Variants in PRKG1 observed in about 807,000 individuals in gnomAD.
PRKG1 encodes cGMP-dependent protein kinase 1.
A neutral mutation model predicts 88.1 loss-of-function variants in PRKG1; 35 were observed. The ratio of observed to expected loss-of-function variants is 0.40; its 90% confidence interval spans 0.30 to 0.53. The LOEUF (loss-of-function observed/expected upper bound fraction) is 0.53. Ranked by LOEUF, PRKG1 falls within the 20% of genes least tolerant of loss-of-function variation. PRKG1 has a pLI of 0.59. For synonymous variants in PRKG1, 303 were observed against 292.5 expected, an observed-to-expected ratio of 1.04 and a Z score of -0.37; for missense variants, 540 against 839.8, an observed-to-expected ratio of 0.64 and a Z score of 4.41.
chr10:51,453,950 C>T (rs1015981143), intron 2 of PRKG1, among the ~76,000 whole-genome samples: 3 of 152,022 alleles, frequency 2.0e-5, no homozygotes, highest in Admixed American at 1.3e-4. Context: ...TATACACCAA[C>T]AGTGACCAAG....
intron 1 of PRKG1, among the ~76,000 whole-genome samples, chr10:51,107,072 G>A (rs1338089099): frequency 6.6e-6 from 1 of 152,180 alleles, no homozygotes; most frequent in Non-Finnish European, 1.5e-5. Context: ...TGGAGAGTCT[G>A]GGAAGGACTT....
intron 10 of PRKG1, among the ~76,000 whole-genome samples, chr10:52,270,112 A>T (rs1360953044): frequency 6.6e-6 from 1 of 152,104 alleles, no homozygotes; most frequent in Non-Finnish European, 1.5e-5. Context: ...AAAATTCTGC[A>T]AGGTTAAAAA....
intron 8 of PRKG1, among the ~76,000 whole-genome samples, chr10:52,150,291 G>A (rs192844847): frequency 2.0e-5 from 3 of 151,936 alleles, no homozygotes; most frequent in African/African-American, 4.8e-5. Context: ...CCATATTGGG[G>A]AGATAAATAT....
In PRKG1 at chr10:52,143,779, C is replaced by G. The variant is rs73344912; in HGVS notation, c.1001+9874C>G. ...ACCTTCTGCCAACAAAGTTTCAGTG[C>G]CAGTCAACCCGATCCACTTTTACAG... On this transcript the variant is annotated intron_variant, in intron 8 of 17. Transcript: ENST00000373980. 9.5e-3 allele frequency among the ~76,000 whole-genome samples: 1,447 copies of G among 152,200 alleles called. 29 individuals carry two copies. The highest frequency in any genetic ancestry group is 0.033 in the African/African-American group (1,383 of 41,512).
chr10:51,523,529 T>C (rs1841791823), intron 3 of PRKG1, among the ~76,000 whole-genome samples: 1 of 152,194 alleles, frequency 6.6e-6, no homozygotes, highest in South Asian at 2.1e-4. Context: ...TAATATTTTT[T>C]ACTGTTTCTC....
chr10:51,165,196 A>G (rs1379964133), intron 2 of PRKG1, among the ~76,000 whole-genome samples: 1 of 152,098 alleles, frequency 6.6e-6, no homozygotes, highest in African/African-American at 2.4e-5. Context: ...TAACAGCAGA[A>G]CTCTCAGCAG....
intron 2 of PRKG1, among the ~76,000 whole-genome samples, chr10:51,404,363 C>G (rs976420848): frequency 1.3e-5 from 2 of 152,144 alleles, no homozygotes; most frequent in African/African-American, 4.8e-5. Flanking sequence ...GAAACAATAA[C>G]TGGGACATGA....
intron 2 of PRKG1, among the ~76,000 whole-genome samples, chr10:51,359,835 T>G (rs1357193086): frequency 1.3e-5 from 2 of 151,932 alleles, no homozygotes; most frequent in African/African-American, 4.8e-5. Context: ...ATGATCAAAA[T>G]AATTTATAGA....
In PRKG1 at chr10:51,303,335, A is replaced by G. The variant is rs138953902; in HGVS notation, c.478+150005A>G. On this transcript the variant is annotated intron_variant, in intron 2 of 17. Coordinates refer to ENST00000373980, the MANE Select transcript of PRKG1 (RefSeq NM_006258.4). ...GCACTACCACTTTATTTAAATCTCA[A>G]GATTTTCTAAGAGTTAAATGTTCAC... Among the ~76,000 whole-genome samples the G allele has an allele frequency of 5.7e-4, 87 of 151,826 alleles. 1 individual carries two copies. Among genetic ancestry groups the G allele is most frequent in the Non-Finnish European group, 7.7e-4 (52 of 67,970 alleles).
intron 1 of PRKG1, among the ~76,000 whole-genome samples, chr10:51,118,732 CCTACTGTTGTT>C (rs1430498533): frequency 6.6e-6 from 1 of 152,102 alleles, no homozygotes; most frequent in Non-Finnish European, 1.5e-5. Context: ...CCCTCTGCAA[CCTACTGTTGTT>C]CTATTCGTCT....
At chr10:51,349,507 TC>T (rs1293820547) in intron 2 of PRKG1, among the ~76,000 whole-genome samples, 2 of 149,570 alleles carry the variant, frequency 1.3e-5, no homozygotes, top group Non-Finnish European at 1.5e-5. Flanking sequence ...TGTGTATGTG[TC>T]CTTTTTTTTT....
chr10:51,308,752 C>T (rs922383363), intron 2 of PRKG1, among the ~76,000 whole-genome samples: 1 of 152,072 alleles, frequency 6.6e-6, no homozygotes, highest in Non-Finnish European at 1.5e-5. Flanking sequence ...CTGCAAGAAG[C>T]AATTGCACAT....
chr10:51,566,442 G>A (rs1025080183), intron 3 of PRKG1, among the ~76,000 whole-genome samples: 5 of 152,196 alleles, frequency 3.3e-5, no homozygotes, highest in Non-Finnish European at 5.9e-5. Context: ...TGTTCCAGAC[G>A]CTGCTCTGAG....
chr10:52,179,955 G>C (rs1354240885), intron 9 of PRKG1, among the ~76,000 whole-genome samples: 34 of 152,166 alleles, frequency 2.2e-4, no homozygotes, highest in Admixed American at 2.2e-3. Context: ...CCAAAGTGCT[G>C]GGATTACAGG....
intron 7 of PRKG1, among the ~76,000 whole-genome samples, chr10:52,076,538 C>T (rs190015581): frequency 9.9e-4 from 151 of 152,256 alleles, no homozygotes; most frequent in African/African-American, 3.5e-3. Flanking sequence ...GCCTGGGCAA[C>T]AGAGCAAGAC....
intron 3 of PRKG1, among the ~76,000 whole-genome samples, chr10:51,663,746 GTCTC>G (rs1317278230): frequency 2.1e-5 from 3 of 144,594 alleles, no homozygotes; most frequent in African/African-American, 7.6e-5. Flanking sequence ...TTTTGATATT[GTCTC>G]TCTCTTCTTA....
At chr10:52,043,839 A>T (rs1191819434) in intron 5 of PRKG1, among the ~76,000 whole-genome samples, 1 of 151,646 alleles carries the variant, frequency 6.6e-6, no homozygotes, top group East Asian at 1.9e-4. Flanking sequence ...AGAAAAACTT[A>T]AAAAATTTTG....
At chr10:51,702,628 A>C (rs1438004182) in intron 3 of PRKG1, among the ~76,000 whole-genome samples, 2 of 152,218 alleles carry the variant, frequency 1.3e-5, no homozygotes, top group Non-Finnish European at 2.9e-5. Flanking sequence ...ACACAAGAGC[A>C]TCTATGGCCA....
chr10:51,591,094 T>C (rs1411065591), intron 3 of PRKG1, among the ~76,000 whole-genome samples: 1 of 152,012 alleles, frequency 6.6e-6, no homozygotes, highest in East Asian at 1.9e-4. Context: ...TAGAAACAAA[T>C]TGCCTGAACT....
Sources: gnomAD v4.1 joint callset for allele counts (sites outside exome capture counted in the v4.1 genomes callset) on GRCh38, gnomAD v4.1.1 for gene constraint, MANE v1.5 for transcripts, NCBI Gene and HGNC (gene_info 2026-07-23, HGNC 2026-07-21) for gene names.